LRFN2: variants seen among roughly 807,000 people sequenced by gnomAD.
The protein encoded by LRFN2 is leucine rich repeat and fibronectin type III domain containing 2.
Under a neutral mutation model 37.3 loss-of-function variants are expected in LRFN2, and 18 were observed. The ratio of observed to expected loss-of-function variants is 0.48; its 90% CI spans 0.33 to 0.72. The LOEUF (loss-of-function observed/expected upper bound fraction) is 0.72. LRFN2 is among the 30% of genes least tolerant of loss of function. LRFN2 has a pLI of 0.02. For synonymous variants in LRFN2, 556 were observed against 466.6 expected (o/e 1.19, Z -2.47); for missense variants, 1,006 against 1,060.7 (o/e 0.95, Z 0.72).
intron 1 of LRFN2, among the ~76,000 whole-genome samples, chr6:40,498,311 T>C (rs367679140): frequency 6.6e-6 from 1 of 152,142 alleles, no homozygotes; most frequent in African/African-American, 2.4e-5. Flanking sequence ...TTCCTAATAA[T>C]TGAATCTAAG....
chr6:40,449,588 C>T (rs1764055098), intron 1 of LRFN2, among the ~76,000 whole-genome samples: 1 of 152,124 alleles, frequency 6.6e-6, no homozygotes, highest in Non-Finnish European at 1.5e-5. Flanking sequence ...AGGTGGTGGC[C>T]AGGTTTGAGA....
intron 1 of LRFN2, among the ~76,000 whole-genome samples, chr6:40,448,488 G>GA (rs1340712455): frequency 6.6e-6 from 1 of 152,046 alleles, no homozygotes; most frequent in Non-Finnish European, 1.5e-5. Flanking sequence ...AGATAAAAAT[G>GA]AAAAAAATGA....
At chr6:40,427,814 A>G (rs1486646948) in intron 2 of LRFN2, among the ~76,000 whole-genome samples, 2 of 152,140 alleles carry the variant, frequency 1.3e-5, no homozygotes, top group Non-Finnish European at 2.9e-5. Context: ...TCACCACCAT[A>G]GGCTTGAGAA....
chr6:40,407,653 G>C (rs1289446938), intron 2 of LRFN2, among the ~76,000 whole-genome samples: 4 of 152,198 alleles, frequency 2.6e-5, no homozygotes, highest in Non-Finnish European at 5.9e-5. Context: ...ATTATACCTT[G>C]TTATAAACAC....
intron 1 of LRFN2, among the ~76,000 whole-genome samples, chr6:40,443,331 G>T (rs1435028673): frequency 6.6e-6 from 1 of 152,162 alleles, no homozygotes; most frequent in African/African-American, 2.4e-5. Context: ...GAAAACAGCC[G>T]CAATAGGGAA....
Position 40,392,978 on chromosome 6 carries a change from GGACAGAGGTAGAAACAGAGT to G in LRFN2, c.1401-86_1401-67del. ...GTGGAAGGACAGGGTGATGGGGAGT[GGACAGAGGTAGAAACAGAGT>G]GACAGAGATGGGGAGGGGGAGGGGA... On this transcript the variant is annotated intron_variant, in intron 2 of 2. Coordinates refer to ENST00000338305, the MANE Select transcript of LRFN2 (RefSeq NM_020737.3). This position sits in a 1 kb window ranked among gnomAD's most constrained non-coding sequence, Gnocchi z 4.7. 1 of 1,499,666 alleles carries G rather than the reference GGACAGAGGTAGAAACAGAGT, an allele frequency of 6.7e-7. No homozygotes were observed. The highest frequency in any genetic ancestry group is 9.0e-7 in the Non-Finnish European group (1 of 1,109,706). 92.9% of individuals were successfully genotyped at this position (1,499,666 alleles called of 1,614,324 possible).
intron 1 of LRFN2, among the ~76,000 whole-genome samples, chr6:40,495,944 G>T (rs1561879072): frequency 6.6e-6 from 1 of 151,930 alleles, no homozygotes; most frequent in East Asian, 1.9e-4. Context: ...CCTCCACTTG[G>T]ATATCTATTG....
At chr6:40,464,693 C>T (rs1764419866) in intron 1 of LRFN2, among the ~76,000 whole-genome samples, 3 of 152,200 alleles carry the variant, frequency 2.0e-5, no homozygotes, top group South Asian at 4.1e-4. Flanking sequence ...CTTCCTGCCC[C>T]AAGCACATGT....
intron 1 of LRFN2, among the ~76,000 whole-genome samples, chr6:40,476,709 G>A (rs1451977005): frequency 6.6e-6 from 1 of 152,246 alleles, no homozygotes; most frequent in South Asian, 2.1e-4. Context: ...AGGCTCCATG[G>A]GAAGAGGATA....
intron 1 of LRFN2, among the ~76,000 whole-genome samples, chr6:40,518,708 G>T (rs1273294218): frequency 6.6e-6 from 1 of 152,166 alleles, no homozygotes; most frequent in Non-Finnish European, 1.5e-5. Flanking sequence ...TCCATTCATT[G>T]TCATTCAACC....
chr6:40,420,432 T>C (rs2113813517), intron 2 of LRFN2, among the ~76,000 whole-genome samples: 1 of 152,318 alleles, frequency 6.6e-6, no homozygotes, highest in Non-Finnish European at 1.5e-5. Context: ...TCTCCAGAGA[T>C]GAGAAAAGAA....
intron 1 of LRFN2, among the ~76,000 whole-genome samples, chr6:40,514,542 T>C (rs935210746): frequency 6.6e-6 from 1 of 152,156 alleles, no homozygotes; most frequent in Admixed American, 6.5e-5. Flanking sequence ...CTTGAACTCC[T>C]GACCTCAGGT....
chr6:40,425,800 C>A (rs1763340412), intron 2 of LRFN2, among the ~76,000 whole-genome samples: 1 of 152,248 alleles, frequency 6.6e-6, no homozygotes, highest in Non-Finnish European at 1.5e-5. Context: ...GCAGCCAGGA[C>A]TGTTAAATAA....
chr6:40,399,878 C>T (rs762741279), intron 2 of LRFN2, among the ~76,000 whole-genome samples: 1 of 151,854 alleles, frequency 6.6e-6, no homozygotes, highest in Non-Finnish European at 1.5e-5. Context: ...AGATGATCAT[C>T]ACTTCATGTC....
At chr6:40,457,739 C>T (rs2504834) in intron 1 of LRFN2, among the ~76,000 whole-genome samples, 144,429 of 152,066 alleles carry the variant, frequency 0.95, 69,028 homozygotes, top group Non-Finnish European at 1. Context: ...TGTGCAAACA[C>T]GTGTGGTAGA....
intron 1 of LRFN2, among the ~76,000 whole-genome samples, chr6:40,482,711 C>T (rs1764862647): frequency 6.6e-6 from 1 of 152,230 alleles, no homozygotes; most frequent in African/African-American, 2.4e-5. Context: ...TCCTTCTGCA[C>T]ACCCCTCCGC....
At chr6:40,528,323 C>G (rs1420189826) in intron 1 of LRFN2, among the ~76,000 whole-genome samples, 1 of 152,252 alleles carries the variant, frequency 6.6e-6, no homozygotes, top group East Asian at 1.9e-4. Context: ...TTCTCAGACA[C>G]TGTAGATGCC....
chr6:40,525,978 C>G lies in LRFN2; in HGVS notation c.-19+60963G>C, dbSNP rs2504844. 2.9e-3 allele frequency among the ~76,000 whole-genome samples: 441 copies of G among 152,302 alleles called. 3 individuals carry two copies. The highest frequency in any genetic ancestry group is 1.0e-2 in the African/African-American group (414 of 41,568). ...CAAATACACACTGAACACGAAGGCACGAGATCGGTGCTGGGAAGAGGGAGA... is the reference window on the plus strand; with the variant it reads ...CAAATACACACTGAACACGAAGGCAGGAGATCGGTGCTGGGAAGAGGGAGA... On this transcript the variant is annotated intron_variant, in intron 1 of 2. Coordinates refer to ENST00000338305, the MANE Select transcript of LRFN2 (RefSeq NM_020737.3).
At chr6:40,516,557 T>A (rs1765881939) in intron 1 of LRFN2, 1 of 152,138 alleles carries the variant, frequency 6.6e-6, no homozygotes, top group Non-Finnish European at 1.5e-5. Context: ...TTTGCAGGAA[T>A]CTCTAGTTGA....
Sources: allele counts gnomAD v4.1 joint callset (sites outside exome capture counted in the v4.1 genomes callset), GRCh38; gene constraint gnomAD v4.1.1; non-coding constraint Gnocchi (gnomAD v3.1); transcripts MANE v1.5; gene names NCBI Gene and HGNC (gene_info 2026-07-23, HGNC 2026-07-21).